HDAC9: variants seen among roughly 807,000 people sequenced by gnomAD.
HDAC9 encodes histone deacetylase 9, also known as MEF-2 interacting transcription repressor (MITR) protein.
A neutral mutation model predicts 139.4 loss-of-function variants in HDAC9; 41 were observed. That is an observed-to-expected ratio of 0.29 (90% CI 0.23 to 0.38). The LOEUF (loss-of-function observed/expected upper bound fraction) is 0.38. HDAC9 is among the 10% of genes least tolerant of loss of function. The pLI is 1.00. For missense variants in HDAC9, 1,147 were observed against 1,297.0 expected (o/e 0.88, Z 1.78); for synonymous variants, 517 against 476.2 (o/e 1.09, Z -1.12).
chr7:18,564,086 C>T (rs1049539219), intron 2 of HDAC9, among the ~76,000 whole-genome samples: 8 of 152,064 alleles, frequency 5.3e-5, no homozygotes, highest in East Asian at 1.9e-4. Flanking sequence ...CCGCCCGCCC[C>T]GGCCTCCCAA....
At chr7:18,122,572 A>G in intron 1 of HDAC9, among the ~76,000 whole-genome samples, 1 of 152,092 alleles carries the variant, frequency 6.6e-6, no homozygotes, top group Admixed American at 6.5e-5. Context: ...TTGTTGGTTG[A>G]CTCGAACACA....
intron 1 of HDAC9, among the ~76,000 whole-genome samples, chr7:18,458,161 G>A (rs1376211904): frequency 6.6e-6 from 1 of 152,136 alleles, no homozygotes; most frequent in Non-Finnish European, 1.5e-5. Context: ...CAAAAGAGAC[G>A]CTCACCCTCT....
chr7:18,748,204 C>G (rs1011618414), intron 13 of HDAC9, among the ~76,000 whole-genome samples: 3 of 152,080 alleles, frequency 2.0e-5, no homozygotes, highest in Admixed American at 6.5e-5. Context: ...ATTTTAAGTT[C>G]TGCTAATAAT....
chr7:18,413,085 T>G (rs1255304610), intron 1 of HDAC9, among the ~76,000 whole-genome samples: 2 of 152,184 alleles, frequency 1.3e-5, no homozygotes, highest in Non-Finnish European at 2.9e-5. Flanking sequence ...AAAATTTCAT[T>G]TAAAGGCATT....
At chr7:18,627,256 G>T (rs1841964560) in intron 6 of HDAC9, among the ~76,000 whole-genome samples, 1 of 152,104 alleles carries the variant, frequency 6.6e-6, no homozygotes, top group Admixed American at 6.5e-5. Context: ...GTGATCAATT[G>T]ATTTACTCCC....
chr7:18,989,876 A>T (rs934187444), intron 25 of HDAC9, among the ~76,000 whole-genome samples: 2 of 149,592 alleles, frequency 1.3e-5, no homozygotes, highest in African/African-American at 5.0e-5. Context: ...TTCTTCACGT[A>T]GTTCTTGAGC....
At chr7:18,879,076 A>G (rs1363059108) in intron 22 of HDAC9, among the ~76,000 whole-genome samples, 9 of 152,168 alleles carry the variant, frequency 5.9e-5, no homozygotes, top group Admixed American at 2.0e-4. Flanking sequence ...CAGAAAGAAT[A>G]AAACACCTAG....
intron 2 of HDAC9, chr7:18,260,597 G>T: frequency 6.5e-6 from 1 of 154,564 alleles, no homozygotes; most frequent in Middle Eastern, 5.2e-4. Context: ...GGGATTGCAG[G>T]CATGAGCCAC....
chr7:18,105,524 T>A (rs1783132046), intron 1 of HDAC9, among the ~76,000 whole-genome samples: 2 of 71,518 alleles, frequency 2.8e-5, no homozygotes, highest in African/African-American at 5.7e-5. Context: ...GTGGATTTCA[T>A]CTACATCTAG....
intron 12 of HDAC9, among the ~76,000 whole-genome samples, chr7:18,693,143 T>A (rs1209332007): frequency 1.3e-5 from 2 of 151,692 alleles, no homozygotes; most frequent in Non-Finnish European, 2.9e-5. Context: ...AAAAACTAGA[T>A]CAACTTAGAT....
chr7:18,786,585 GCTTCCTTCCTTCCTTC>G, intron 16 of HDAC9, among the ~76,000 whole-genome samples: 1 of 53,298 alleles, frequency 1.9e-5, no homozygotes, highest in Non-Finnish European at 4.4e-5. Context: ...TGGCTGGCTG[GCTTCCTTCCTTCCTTC>G]CTTCCTTCCT....
intron 2 of HDAC9, among the ~76,000 whole-genome samples, chr7:18,581,540 T>A (rs569008080): frequency 6.6e-6 from 1 of 152,292 alleles, no homozygotes; most frequent in South Asian, 2.1e-4. Flanking sequence ...AGTTCATGGA[T>A]AACAAGAATG....
chr7:18,599,151 A>C (rs1833269722), intron 6 of HDAC9, among the ~76,000 whole-genome samples: 1 of 152,226 alleles, frequency 6.6e-6, no homozygotes, highest in South Asian at 2.1e-4. Context: ...GCAGACTTTA[A>C]TTTTAAGAAA....
At chr7:18,858,477 T>A (rs1797856960) in intron 21 of HDAC9, among the ~76,000 whole-genome samples, 1 of 152,092 alleles carries the variant, frequency 6.6e-6, no homozygotes, top group South Asian at 2.1e-4. Flanking sequence ...ATAGGGGAAA[T>A]CACCCCCATG....
At chr7:18,917,035 C>T (rs771936766) in intron 22 of HDAC9, among the ~76,000 whole-genome samples, 1 of 151,842 alleles carries the variant, frequency 6.6e-6, no homozygotes, top group Non-Finnish European at 1.5e-5. Context: ...TATATTGTGC[C>T]CAATCAGAGA....
chr7:18,866,972 A>G (rs1257758244), intron 21 of HDAC9, among the ~76,000 whole-genome samples: 1 of 152,234 alleles, frequency 6.6e-6, no homozygotes, highest in Non-Finnish European at 1.5e-5. Flanking sequence ...AATCAGAATC[A>G]ATTGTTCCAA....
At chr7:18,913,534 T>G (rs1802921460) in intron 22 of HDAC9, among the ~76,000 whole-genome samples, 3 of 152,108 alleles carry the variant, frequency 2.0e-5, no homozygotes, top group Admixed American at 1.3e-4. Flanking sequence ...TAATTTTCTT[T>G]CTGTTTCCTT....
At chr7:18,817,113 C>T (rs1331950629) in intron 17 of HDAC9, among the ~76,000 whole-genome samples, 2 of 151,402 alleles carry the variant, frequency 1.3e-5, no homozygotes, top group Non-Finnish European at 2.9e-5. Context: ...GGGCTCACTG[C>T]AAGCTCCGCC....
At chr7:18,452,105 G>A (rs777468607) in intron 1 of HDAC9, among the ~76,000 whole-genome samples, 4 of 152,134 alleles carry the variant, frequency 2.6e-5, no homozygotes, top group African/African-American at 4.8e-5. Flanking sequence ...TGAGATGCTA[G>A]CCAGGGCAGT....
Sources: gnomAD v4.1 joint callset for allele counts (sites outside exome capture counted in the v4.1 genomes callset) on GRCh38, gnomAD v4.1.1 for gene constraint, MANE v1.5 for transcripts, NCBI Gene and HGNC (gene_info 2026-07-23, HGNC 2026-07-21) for gene names.